CUBN: variants seen among roughly 807,000 people sequenced by gnomAD.
The protein encoded by CUBN is 460 kDa receptor.
In CUBN, 282 loss-of-function variants were observed where a neutral mutation model predicts 405.3. The ratio of observed to expected loss-of-function variants is 0.70; its 90% CI spans 0.63 to 0.77. CUBN has a LOEUF of 0.77. Ranked by LOEUF, CUBN falls within the 30% of genes least tolerant of loss-of-function variation. The probability of loss-of-function intolerance (pLI) is 0.00; values close to 1 mark genes in which losing one functional copy is unlikely to be tolerated. For missense variants in CUBN, 4,514 were observed against 4,475.2 expected (o/e 1.01, Z -0.25); for synonymous variants, 1,684 against 1,617.0 (o/e 1.04, Z -0.99).
At chr10:16,890,775 T>C (rs1442608507) in intron 54 of CUBN, among the ~76,000 whole-genome samples, 1 of 152,178 alleles carries the variant, frequency 6.6e-6, no homozygotes, top group Non-Finnish European at 1.5e-5. Context: ...GTGGTGATTT[T>C]TTAAAAATCC....
chr10:16,938,699 G>C (rs1842580979), intron 38 of CUBN, among the ~76,000 whole-genome samples: 2 of 152,020 alleles, frequency 1.3e-5, no homozygotes, highest in African/African-American at 4.8e-5. Flanking sequence ...TACTTATTTA[G>C]GACATACATG....
intron 14 of CUBN, among the ~76,000 whole-genome samples, chr10:17,096,867 T>A (rs1357136819): frequency 6.6e-6 from 1 of 152,002 alleles, no homozygotes; most frequent in African/African-American, 2.4e-5. Context: ...GAATTCAAAA[T>A]AAAAATGACA....
intron 31 of CUBN, among the ~76,000 whole-genome samples, chr10:16,979,474 G>A (rs2131688992): frequency 6.6e-6 from 1 of 152,224 alleles, no homozygotes; most frequent in African/African-American, 2.4e-5. Context: ...AAACAGCATG[G>A]TACTGGTACC....
intron 17 of CUBN, 83 bp from the exon 18 acceptor site, chr10:17,072,054 A>C: frequency 9.3e-7 from 1 of 1,079,920 alleles, no homozygotes; most frequent in Non-Finnish European, 1.4e-6. Flanking sequence ...AGATGAAAAA[A>C]TGGCAGATTC....
chr10:16,882,952 T>C (rs2131387143), intron 56 of CUBN, among the ~76,000 whole-genome samples: 1 of 151,690 alleles, frequency 6.6e-6, no homozygotes, highest in South Asian at 2.1e-4. Flanking sequence ...AAGCGGAGGT[T>C]GCAGTGAGCT....
chr10:16,874,234 C>A, intron 58 of CUBN, 140 bp downstream of exon 58: 1 of 922,232 alleles, frequency 1.1e-6, no homozygotes. Context: ...GTTGAACTGT[C>A]ATCTAGGAAC....
At chr10:16,878,811 T>C (rs1021675849) in intron 56 of CUBN, among the ~76,000 whole-genome samples, 1 of 152,234 alleles carries the variant, frequency 6.6e-6, no homozygotes, top group East Asian at 1.9e-4. Flanking sequence ...AATAAAATCA[T>C]GCAATATGTG....
intron 31 of CUBN, among the ~76,000 whole-genome samples, chr10:16,955,822 G>A (rs1309876074): frequency 1.3e-5 from 2 of 152,104 alleles, no homozygotes; most frequent in African/African-American, 2.4e-5. Flanking sequence ...AGAGGGAGCA[G>A]GTCACGTTGA....
At chr10:17,048,972 A>G (rs1331747861) in intron 22 of CUBN, among the ~76,000 whole-genome samples, 1 of 152,260 alleles carries the variant, frequency 6.6e-6, no homozygotes, top group Non-Finnish European at 1.5e-5. Flanking sequence ...TATTTTAAAC[A>G]GCAAGCAATC....
rs1293999464 is a variant in CUBN at position 16,824,866 on chromosome 10, G to A, written c.*109C>T. On this transcript the variant is annotated 3_prime_UTR_variant, in exon 67 of 67. Transcript: ENST00000377833. Reference sequence around the variant, plus strand: ...CATGGTTTGGTGAAAAACCATACAAGTTCAGCTTATTCTCTGTGGCATCAG... The same window carrying A: ...CATGGTTTGGTGAAAAACCATACAAATTCAGCTTATTCTCTGTGGCATCAG... 3 of 805,774 alleles carry A rather than the reference G, an allele frequency of 3.7e-6. No homozygotes were observed. The highest frequency in any genetic ancestry group is 6.4e-6 in the Non-Finnish European group (3 of 468,614). 49.9% of individuals were successfully genotyped at this position (805,774 alleles called of 1,614,324 possible).
chr10:17,123,863 A>T (rs1251131535), intron 4 of CUBN, among the ~76,000 whole-genome samples, 174 bp from the exon 5 acceptor site: 2 of 152,194 alleles, frequency 1.3e-5, no homozygotes, highest in Non-Finnish European at 2.9e-5. Context: ...AAAAACAGAA[A>T]GCATTTTCTA....
At chr10:17,075,854 A>G (rs1041824753) in intron 17 of CUBN, among the ~76,000 whole-genome samples, 2 of 152,166 alleles carry the variant, frequency 1.3e-5, no homozygotes, top group East Asian at 3.9e-4. Flanking sequence ...TTTGCCCTTC[A>G]GCATCTAATA....
At chr10:17,103,428 G>T (rs1456300560) in intron 12 of CUBN, among the ~76,000 whole-genome samples, 191 bp from the exon 13 acceptor site, 3 of 152,132 alleles carry the variant, frequency 2.0e-5, no homozygotes, top group African/African-American at 7.2e-5. Flanking sequence ...CTTGTTCAAA[G>T]CTCAGCTGAT....
chr10:17,062,678 A>G lies in CUBN; in HGVS notation c.3139+2830T>C, dbSNP rs1245552450. ...CTCCCAAACACATATTTTGGGGCTG[A>G]CATCATAGCCACATGGCACAAACTA... On this transcript the variant is annotated intron_variant, in intron 22 of 66. Coordinates refer to ENST00000377833, the MANE Select transcript of CUBN (RefSeq NM_001081.4). 2.0e-5 allele frequency among the ~76,000 whole-genome samples: 3 copies of G among 152,346 alleles called. No homozygotes were observed. The East Asian group carries it at 5.8e-4, about 29-fold the overall frequency.
intron 27 of CUBN, among the ~76,000 whole-genome samples, chr10:17,039,028 A>C (rs78439308): frequency 6.6e-6 from 1 of 152,266 alleles, no homozygotes; most frequent in Admixed American, 6.5e-5. Context: ...TCATCCTCAA[A>C]TGAGTCGAAA....
chr10:17,043,115 T>C (rs1457066832), intron 26 of CUBN, among the ~76,000 whole-genome samples: 3 of 152,172 alleles, frequency 2.0e-5, no homozygotes, highest in African/African-American at 7.2e-5. Context: ...TTAGAGACCA[T>C]CTAATTTAAT....
At chr10:17,035,392 G>A (rs755123701) in intron 27 of CUBN, among the ~76,000 whole-genome samples, 6 of 152,178 alleles carry the variant, frequency 3.9e-5, no homozygotes, top group South Asian at 2.1e-4. Flanking sequence ...AGGGAAACAC[G>A]GATGGCATGG....
chr10:17,074,342 T>C (rs1835805566), intron 17 of CUBN, among the ~76,000 whole-genome samples: 3 of 152,086 alleles, frequency 2.0e-5, no homozygotes, highest in Non-Finnish European at 4.4e-5. Context: ...TGTTAATTAT[T>C]ATCACAGCAA....
intron 58 of CUBN, among the ~76,000 whole-genome samples, chr10:16,872,349 C>CATATATATATATATATATATAT (rs138781700): frequency 1.0e-3 from 153 of 148,990 alleles, no homozygotes; most frequent in African/African-American, 3.8e-3. Flanking sequence ...TGTATACATA[C>CATATATATATATATATATATAT]ATATATATAT....
Sources: allele counts gnomAD v4.1 joint callset (sites outside exome capture counted in the v4.1 genomes callset), GRCh38; gene constraint gnomAD v4.1.1; transcripts MANE v1.5; gene names NCBI Gene and HGNC (gene_info 2026-07-23, HGNC 2026-07-21).